The following PARP4 variants were observed in gnomAD, a reference collection of about 807,000 sequenced individuals.
PARP4 encodes protein mono-ADP-ribosyltransferase PARP4.
A neutral mutation model predicts 187.7 loss-of-function variants in PARP4; 120 were observed. The ratio of observed to expected loss-of-function variants is 0.64; its 90% CI spans 0.55 to 0.74. The LOEUF (loss-of-function observed/expected upper bound fraction) is 0.74, where lower values mean the gene tolerates loss of function less well. PARP4 is among the 30% of genes least tolerant of loss of function. PARP4 has a pLI of 0.00. For synonymous variants in PARP4, 654 were observed against 740.9 expected (o/e 0.88, Z 1.90); for missense variants, 1,836 against 2,070.5 (o/e 0.89, Z 2.20).
intron 1 of PARP4, among the ~76,000 whole-genome samples, chr13:24,506,789 A>G (rs1869712744): frequency 1.3e-5 from 2 of 152,182 alleles, no homozygotes; most frequent in Non-Finnish European, 2.9e-5. Context: ...CCGCAGGTGG[A>G]GCTGCCTGCC....
At chr13:24,427,570 A>T (rs1565984938) in intron 32 of PARP4, among the ~76,000 whole-genome samples, 1 of 152,144 alleles carries the variant, frequency 6.6e-6, no homozygotes, top group Non-Finnish European at 1.5e-5. Context: ...GAAAAACCCA[A>T]ATCTTTGTCT....
chr13:24,460,191 C>A, intron 17 of PARP4, 55 bp from the exon 18 acceptor site: 2 of 1,417,594 alleles, frequency 1.4e-6, no homozygotes, highest in Non-Finnish European at 2.0e-6. Context: ...CCATTATATG[C>A]CAGCTAACTC....
chr13:24,472,174 G>A (rs1289795567), intron 15 of PARP4, among the ~76,000 whole-genome samples: 2 of 108,992 alleles, frequency 1.8e-5, no homozygotes, highest in Non-Finnish European at 4.2e-5. Context: ...TATAGCACTT[G>A]GCATGGAGTC....
intron 22 of PARP4, among the ~76,000 whole-genome samples, chr13:24,454,036 G>T (rs994919534): frequency 1.3e-5 from 2 of 151,298 alleles, no homozygotes; most frequent in Admixed American, 6.6e-5. Flanking sequence ...GGCAGAGGTT[G>T]CAGTGAGCTG....
At chr13:24,462,198 G>A (rs1872244367) in intron 17 of PARP4, among the ~76,000 whole-genome samples, 1 of 152,152 alleles carries the variant, frequency 6.6e-6, no homozygotes, top group African/African-American at 2.4e-5. Context: ...ACTGCGGGAG[G>A]GGAAGAGTTG....
chr13:24,502,124 C>T (rs1869333536), intron 2 of PARP4, among the ~76,000 whole-genome samples: 1 of 152,208 alleles, frequency 6.6e-6, no homozygotes, highest in Admixed American at 6.5e-5. Context: ...CTCATGTACA[C>T]ATCCTTGTGC....
rs1299332788 is a variant in PARP4, at chr13:24,455,003, C to G, written c.2758+14G>C. ...GGGGAAGCACACGCAGGACCAGGGC[C>G]AAAGCGCACTCACCTGTGCCGAACT... On this transcript the variant is annotated intron_variant, in intron 22 of 33. Transcript: ENST00000381989. The G allele has an allele frequency of 1.3e-6, 2 of 1,561,428 alleles. No homozygotes were observed. The highest frequency in any genetic ancestry group is 1.8e-6 in the Non-Finnish European group (2 of 1,142,780).
intron 10 of PARP4, among the ~76,000 whole-genome samples, chr13:24,486,678 G>A (rs112751261): frequency 0.016 from 2,499 of 152,262 alleles, 61 homozygotes; most frequent in African/African-American, 0.057. Flanking sequence ...CTGGCTGGGC[G>A]CAATGGCTCA....
At position 24,473,676 on chromosome 13, in the gene PARP4, G is replaced by T. The variant is rs566435844; in HGVS notation, c.1914+1796C>A. 3.3e-5 allele frequency among the ~76,000 whole-genome samples: 5 copies of T among 152,126 alleles called. No homozygotes were observed. In the East Asian group the frequency reaches 5.8e-4, roughly 18 times the overall value. On this transcript the variant is annotated intron_variant, in intron 15 of 33. Coordinates refer to ENST00000381989, the MANE Select transcript of PARP4 (RefSeq NM_006437.4). ...GCTGCTGTCTCATCTTCTCTCCTCT[G>T]TCTCCCAGTTCTTCCTCCCATTCCC...
At chr13:24,471,103 G>A (rs1199312613) in intron 15 of PARP4, among the ~76,000 whole-genome samples, 1 of 152,166 alleles carries the variant, frequency 6.6e-6, no homozygotes, top group Admixed American at 6.5e-5. Flanking sequence ...CCAGGACTGG[G>A]GCCCACCTAG....
At chr13:24,468,445 C>T (rs540182258) in intron 17 of PARP4, among the ~76,000 whole-genome samples, 1 of 143,654 alleles carries the variant, frequency 7.0e-6, no homozygotes, top group African/African-American at 2.6e-5. Flanking sequence ...GCTCTTGTTG[C>T]CCAGGCTGGA....
At chr13:24,470,444 C>T (rs965366253) in intron 15 of PARP4, among the ~76,000 whole-genome samples, 1 of 152,122 alleles carries the variant, frequency 6.6e-6, no homozygotes, top group Non-Finnish European at 1.5e-5. Flanking sequence ...CTGGGGACCT[C>T]TCTGTGGCTT....
intron 18 of PARP4, 37 bp downstream of exon 18, chr13:24,459,935 C>T (rs760583986): frequency 3.8e-6 from 6 of 1,588,656 alleles, no homozygotes; most frequent in Non-Finnish European, 4.3e-6. Context: ...CCCTCCACTG[C>T]TGCCAAAATG....
Position 24,421,128 on chromosome 13 carries a change from A to T in PARP4, c.5166T>A (p.Ser1722Arg). Residue 1722 changes from serine to arginine, a missense_variant, in exon 34 of 34, where the codon AGT (serine) becomes AGA (arginine). This residue lies in a region of PARP4 where 29 missense variants were observed against 81.3 expected (regional missense o/e 0.36). Transcript: ENST00000381989. ...TTCAGTTTCATTTGACTTAGCCTTG[A>T]CTGTAATGGAGGACTCTATGAAGAG... is the stretch of plus-strand genomic sequence containing the variant. ...VSPLHRVLHY[S>R]QG 2.8e-6 allele frequency: 4 copies of T among 1,434,128 alleles called. No individual in the cohort carries two copies. Among genetic ancestry groups the T allele is most frequent in the Non-Finnish European group, 3.7e-6 (4 of 1,075,350 alleles). The allele number at this position is 1,434,128 out of a possible 1,614,324, so 88.8% of individuals were successfully genotyped here. A position where few individuals can be genotyped will look rare whatever the true frequency, so the allele number is the denominator to read the frequency against.
At chr13:24,425,214 T>C (rs1869965300) in intron 33 of PARP4, among the ~76,000 whole-genome samples, 1 of 152,134 alleles carries the variant, frequency 6.6e-6, no homozygotes, top group Non-Finnish European at 1.5e-5. Context: ...GGTGGGAGGA[T>C]GGCTTGAGCC....
chr13:24,431,848 G>C (rs1870353422), intron 31 of PARP4, among the ~76,000 whole-genome samples: 1 of 152,100 alleles, frequency 6.6e-6, no homozygotes, highest in Non-Finnish European at 1.5e-5. Flanking sequence ...TACATATCTG[G>C]TGGCACTTAT....
At chr13:24,472,154 T>C (rs1872752213) in intron 15 of PARP4, among the ~76,000 whole-genome samples, 1 of 137,404 alleles carries the variant, frequency 7.3e-6, no homozygotes, top group South Asian at 2.7e-4. Context: ...TTCCAAACAA[T>C]GGGCATAATT....
chr13:24,429,068 G>A (rs1870203772), intron 32 of PARP4, among the ~76,000 whole-genome samples: 1 of 151,662 alleles, frequency 6.6e-6, no homozygotes, highest in Non-Finnish European at 1.5e-5. Flanking sequence ...ATTGTCAATC[G>A]AATTAAATGA....
chr13:24,427,842 TCTTTTGTG>T (rs1870135786), intron 32 of PARP4, among the ~76,000 whole-genome samples: 1 of 152,206 alleles, frequency 6.6e-6, no homozygotes, highest in Non-Finnish European at 1.5e-5. Context: ...TTTGCTGGAT[TCTTTTGTG>T]GCTTATTTTT....
Sources: gnomAD v4.1 joint callset for allele counts (sites outside exome capture counted in the v4.1 genomes callset) on GRCh38, gnomAD v4.1.1 for gene constraint, gnomAD v4.1.1 regional missense constraint, MANE v1.5 for transcripts, NCBI Gene and HGNC (gene_info 2026-07-23, HGNC 2026-07-21) for gene names.